The following ROBO1 variants were observed in gnomAD, a reference collection of about 807,000 sequenced individuals.
The protein encoded by ROBO1 is roundabout guidance receptor 1, also known as roundabout homolog 1.
A neutral mutation model predicts 195.9 loss-of-function variants in ROBO1; 149 were observed. The observed-to-expected ratio is 0.76, with a 90% CI of 0.67 to 0.87. The LOEUF (loss-of-function observed/expected upper bound fraction) is 0.87, where lower values mean the gene tolerates loss of function less well. Among genes scored for constraint, ROBO1 ranks in the 40% least tolerant of loss-of-function variants. ROBO1 has a pLI of 0.00. For missense variants in ROBO1, 1,933 were observed against 2,068.3 expected (o/e 0.93, Z 1.27); for synonymous variants, 816 against 733.2 (o/e 1.11, Z -1.82).
chr3:79,496,287 A>G (rs1384341946), intron 2 of ROBO1, among the ~76,000 whole-genome samples: 1 of 150,694 alleles, frequency 6.6e-6, no homozygotes, highest in Non-Finnish European at 1.5e-5. Flanking sequence ...TATGTATATA[A>G]TATGTAAGTA....
At chr3:79,407,699 G>C (rs2037602061) in intron 2 of ROBO1, among the ~76,000 whole-genome samples, 1 of 152,048 alleles carries the variant, frequency 6.6e-6, no homozygotes, top group East Asian at 1.9e-4. Flanking sequence ...AAAGATAGAA[G>C]TATTAATGAT....
chr3:79,599,893 A>T (rs1056600030), intron 1 of ROBO1, among the ~76,000 whole-genome samples: 5 of 151,872 alleles, frequency 3.3e-5, no homozygotes, highest in African/African-American at 4.8e-5. Context: ...GTCTATCCAA[A>T]TTTTTTTCTT....
chr3:78,883,207 T>A (rs1030129393), intron 4 of ROBO1, among the ~76,000 whole-genome samples: 1 of 151,760 alleles, frequency 6.6e-6, no homozygotes, highest in Non-Finnish European at 1.5e-5. Context: ...TTATTGGGCA[T>A]TGGTGCTCAA....
chr3:78,948,244 A>C (rs910193326), intron 3 of ROBO1, among the ~76,000 whole-genome samples: 1 of 152,218 alleles, frequency 6.6e-6, no homozygotes, highest in Admixed American at 6.5e-5. Context: ...TCTTTGATGA[A>C]CATTGATGCA....
At chr3:79,228,306 G>T (rs911720857) in intron 2 of ROBO1, among the ~76,000 whole-genome samples, 39 of 152,056 alleles carry the variant, frequency 2.6e-4, no homozygotes, top group Non-Finnish European at 5.9e-5. Context: ...CCTAGTGAAG[G>T]GTCAATTGAG....
intron 3 of ROBO1, among the ~76,000 whole-genome samples, chr3:79,089,076 A>T (rs1157983367): frequency 2.0e-5 from 3 of 152,138 alleles, no homozygotes; most frequent in Non-Finnish European, 4.4e-5. Flanking sequence ...AGTTTCTTTC[A>T]TAAAAGGCAA....
intron 4 of ROBO1, among the ~76,000 whole-genome samples, chr3:78,834,767 AAATTCTTGACTTC>A (rs1268783278): frequency 6.6e-6 from 1 of 152,156 alleles, no homozygotes; most frequent in Non-Finnish European, 1.5e-5. Context: ...TGAAGTAGCC[AAATTCTTGACTTC>A]ATTTTTTTAA....
At chr3:79,083,954 A>G (rs1216626189) in intron 3 of ROBO1, among the ~76,000 whole-genome samples, 1 of 152,216 alleles carries the variant, frequency 6.6e-6, no homozygotes, top group African/African-American at 2.4e-5. Context: ...TCTCAACATT[A>G]GTCTGTAGAA....
chr3:79,287,192 A>C (rs1032467827), intron 2 of ROBO1, among the ~76,000 whole-genome samples: 5 of 152,150 alleles, frequency 3.3e-5, no homozygotes, highest in Non-Finnish European at 7.4e-5. Context: ...TATACATAAA[A>C]ATCTTAAGTT....
intron 3 of ROBO1, among the ~76,000 whole-genome samples, chr3:79,040,606 T>C (rs2108330727): frequency 6.6e-6 from 1 of 152,262 alleles, no homozygotes; most frequent in South Asian, 2.1e-4. Context: ...ATATATATAA[T>C]TTTCTACTCT....
intron 1 of ROBO1, among the ~76,000 whole-genome samples, chr3:79,703,940 A>G (rs1463804906): frequency 6.6e-6 from 1 of 151,970 alleles, no homozygotes; most frequent in Admixed American, 6.6e-5. Flanking sequence ...TGTGGCAGAT[A>G]TTTTTATGTT....
intron 3 of ROBO1, among the ~76,000 whole-genome samples, chr3:79,113,377 T>C (rs990486476): frequency 6.6e-6 from 1 of 152,024 alleles, no homozygotes; most frequent in Admixed American, 6.6e-5. Flanking sequence ...TCCTGGCCCA[T>C]TGAGTGAGGT....
At chr3:79,588,009 T>G (rs1438582277) in intron 2 of ROBO1, among the ~76,000 whole-genome samples, 1 of 151,786 alleles carries the variant, frequency 6.6e-6, no homozygotes, top group Non-Finnish European at 1.5e-5. Flanking sequence ...TGCATCCCAT[T>G]TGAGGTTACC....
intron 8 of ROBO1, among the ~76,000 whole-genome samples, chr3:78,704,595 TAC>T (rs34616317): frequency 0.73 from 102,765 of 140,916 alleles, 37,185 homozygotes; most frequent in Middle Eastern, 0.81. Context: ...AACACACACA[TAC>T]ACACACACAC....
At chr3:78,715,410 A>G (rs1010292966) in intron 7 of ROBO1, among the ~76,000 whole-genome samples, 7 of 152,138 alleles carry the variant, frequency 4.6e-5, no homozygotes, top group African/African-American at 1.7e-4. Flanking sequence ...CCCTGTCTCT[A>G]TCTCACCTCT....
rs1707848919 is a variant in ROBO1 at position 78,668,222 on chromosome 3, C to A, written c.1711G>T (p.Asp571Tyr). 6.2e-7 allele frequency: 1 copy of A among 1,613,534 alleles called. No individual in the cohort carries two copies. Among genetic ancestry groups the A allele is most frequent in the Admixed American group, 1.7e-5 (1 of 60,014 alleles). ...PSAPSKPEVT[D>Y]VSRNTVTLSW... ...AATGTGACTGTATTTCTGCTGACAT[C>A]TGTCACTTCAGGTTTTGATGGGGCA... Residue 571 changes from aspartate (D) to tyrosine (Y), a missense_variant, in exon 13 of 31, where the codon GAT becomes TAT. By Grantham distance (160) the Asp-to-Tyr change is radical. This residue lies in a region of ROBO1 where 1,737 missense variants were observed against 1,882.5 expected (regional missense o/e 0.92). Coordinates refer to ENST00000464233, the MANE Select transcript of ROBO1 (RefSeq NM_002941.4).
chr3:79,447,232 T>C (rs2039292093), intron 2 of ROBO1, among the ~76,000 whole-genome samples: 1 of 152,038 alleles, frequency 6.6e-6, no homozygotes, highest in Admixed American at 6.5e-5. Flanking sequence ...ATACAAGCAA[T>C]AACATGACAT....
intron 3 of ROBO1, chr3:79,019,135 G>A: frequency 1.0e-6 from 1 of 986,280 alleles, no homozygotes; most frequent in Non-Finnish European, 1.2e-6. Context: ...GGAGACAGCA[G>A]CAGGACCGCG....
In ROBO1 at chr3:78,909,084, T is replaced by A. The variant is rs142150532; in HGVS notation, c.499+29517A>T. Among the ~76,000 whole-genome samples the A allele has an allele frequency of 4.0e-3, 603 of 151,914 alleles. 14 individuals are homozygous for A. Among genetic ancestry groups the A allele is most frequent in the African/African-American group, 0.012 (518 of 41,528 alleles). ...GAGGCAGAATGAAAATATGATTATG[T>A]TTCATGTCTCTTTTAATAATGGTGA... is the stretch of plus-strand genomic sequence containing the variant. On this transcript the variant is annotated intron_variant, in intron 4 of 30. Coordinates refer to ENST00000464233, the MANE Select transcript of ROBO1 (RefSeq NM_002941.4).
Sources: allele counts gnomAD v4.1 joint callset (sites outside exome capture counted in the v4.1 genomes callset), GRCh38; gene constraint gnomAD v4.1.1; regional missense constraint gnomAD v4.1.1; transcripts MANE v1.5; gene names NCBI Gene and HGNC (gene_info 2026-07-23, HGNC 2026-07-21).